The following CLIC5 variants were observed in gnomAD, a reference collection of about 807,000 sequenced individuals.
CLIC5 encodes chloride intracellular channel protein 5.
In CLIC5, 20 loss-of-function variants were observed where a neutral mutation model predicts 24.7. The ratio of observed to expected loss-of-function variants is 0.81; its 90% CI spans 0.57 to 1.18. CLIC5 has a LOEUF of 1.18. CLIC5 is among the 50% of genes most tolerant of loss of function. The pLI is 0.00. For missense variants in CLIC5, 341 were observed against 326.1 expected (o/e 1.05, Z -0.35); for synonymous variants, 159 against 135.6 (o/e 1.17, Z -1.20).
At chr6:45,915,211 A>C (rs1762981576) in intron 4 of CLIC5, among the ~76,000 whole-genome samples, 1 of 152,050 alleles carries the variant, frequency 6.6e-6, no homozygotes, top group African/African-American at 2.4e-5. Flanking sequence ...TACAGGTGAG[A>C]GCCACCATGC....
rs115528681 is a variant in CLIC5, at chr6:45,905,580, T to G, written c.589-2325A>C. ...GCCCACTTTTTAATGGTATTATTTG[T>G]TTTTTTCTTATTCAATTGTTTAAGT... is the stretch of plus-strand genomic sequence containing the variant. On this transcript the variant is annotated intron_variant, in intron 5 of 5. Coordinates refer to ENST00000339561, the MANE Select transcript of CLIC5 (RefSeq NM_016929.5). 3.0e-3 allele frequency among the ~76,000 whole-genome samples: 456 copies of G among 151,786 alleles called. 2 individuals carry two copies. Among genetic ancestry groups the G allele is most frequent in the African/African-American group, 9.2e-3 (381 of 41,200 alleles).
the CLIC5 span, among the ~76,000 whole-genome samples, chr6:46,122,180 G>A: frequency 6.6e-6 from 1 of 152,168 alleles, no homozygotes; most frequent in Admixed American, 6.5e-5. Context: ...ATAGTTGGAA[G>A]GAAAGCACTC....
At chr6:46,081,722 T>G (rs1167777604), upstream of CLIC5, among the ~76,000 whole-genome samples, 1 of 152,192 alleles carries the variant, frequency 6.6e-6, no homozygotes, top group East Asian at 1.9e-4. Flanking sequence ...TTCAAACATT[T>G]TATTTTACAT....
At chr6:46,012,344 C>T (rs1020903525) in intron 1 of CLIC5, among the ~76,000 whole-genome samples, 1 of 152,204 alleles carries the variant, frequency 6.6e-6, no homozygotes, top group African/African-American at 2.4e-5. Context: ...AATCCCTGCG[C>T]CATCCACAGG....
At chr6:46,089,269 T>C in the CLIC5 span, among the ~76,000 whole-genome samples, 7 of 152,042 alleles carry the variant, frequency 4.6e-5, no homozygotes, top group East Asian at 1.2e-3. Flanking sequence ...CAACATGGAG[T>C]AAGAAAAACT....
At chr6:45,969,798 T>G (rs1476542917) in intron 1 of CLIC5, among the ~76,000 whole-genome samples, 3 of 137,706 alleles carry the variant, frequency 2.2e-5, no homozygotes, top group Admixed American at 7.1e-5. Context: ...ACATCAAGGT[T>G]TTTTTTTTTT....
chr6:45,979,771 G>A lies in CLIC5; in HGVS notation c.64-24527C>T, dbSNP rs536619571. 1.1e-4 allele frequency among the ~76,000 whole-genome samples: 16 copies of A among 151,034 alleles called. No homozygotes were observed. The South Asian group carries it at 3.4e-3, about 32-fold the overall frequency. On this transcript the variant is annotated intron_variant, in intron 1 of 5. Transcript: ENST00000339561. The stretch of plus-strand genomic sequence containing the variant: ...ACTTATAAACCATTACATGAGAAAT[G>A]GCCTTTTAGACCTTTGTGAGATGCA...
At chr6:45,896,998 C>A (rs2127286897), downstream of CLIC5, among the ~76,000 whole-genome samples, 1 of 152,276 alleles carries the variant, frequency 6.6e-6, no homozygotes, top group South Asian at 2.1e-4. Flanking sequence ...CACCATCAAA[C>A]AATCTGGGAT....
At chr6:46,088,006 T>A in the CLIC5 span, among the ~76,000 whole-genome samples, 1 of 152,194 alleles carries the variant, frequency 6.6e-6, no homozygotes, top group East Asian at 1.9e-4. Context: ...TTCTTTTTAA[T>A]TATGTTTCTC....
intron 1 of CLIC5, among the ~76,000 whole-genome samples, chr6:46,051,145 C>T (rs987107579): frequency 2.6e-5 from 4 of 152,202 alleles, no homozygotes; most frequent in African/African-American, 9.7e-5. Flanking sequence ...CTAGTGTTTA[C>T]TGTCACTCTT....
intron 1 of CLIC5, among the ~76,000 whole-genome samples, chr6:45,979,383 T>C (rs1201977488): frequency 2.0e-5 from 3 of 152,144 alleles, no homozygotes; most frequent in Non-Finnish European, 2.9e-5. Context: ...TTGTTCAATA[T>C]CTTAAAGACT....
chr6:46,076,483 G>C (rs939572402), intron 1 of CLIC5, among the ~76,000 whole-genome samples: 1 of 152,188 alleles, frequency 6.6e-6, no homozygotes, highest in Non-Finnish European at 1.5e-5. Flanking sequence ...GAAGGCAATG[G>C]GATGATGGAA....
chr6:46,107,395 G>A, the CLIC5 span, among the ~76,000 whole-genome samples: 1 of 152,188 alleles, frequency 6.6e-6, no homozygotes, highest in African/African-American at 2.4e-5. Flanking sequence ...TTGCTAGGAG[G>A]AGTTGGATCC....
chr6:45,942,308 C>T (rs1207836163), intron 3 of CLIC5, among the ~76,000 whole-genome samples: 1 of 151,908 alleles, frequency 6.6e-6, no homozygotes, highest in Non-Finnish European at 1.5e-5. Flanking sequence ...CAGCCCCCCT[C>T]TCTCTCTCTT....
At chr6:46,109,513 T>TAAA in the CLIC5 span, among the ~76,000 whole-genome samples, 58 of 47,180 alleles carry the variant, frequency 1.2e-3, 9 homozygotes, top group African/African-American at 5.3e-3. Context: ...CAGTCTCCAC[T>TAAA]AAAAAAAAAA....
chr6:45,948,901 A>G (rs1764374955), intron 3 of CLIC5, among the ~76,000 whole-genome samples: 1 of 152,098 alleles, frequency 6.6e-6, no homozygotes, highest in Non-Finnish European at 1.5e-5. Flanking sequence ...TGGTTCTGAA[A>G]TGAAGGAAAC....
chr6:45,976,606 GCCCA>G (rs1765392512), intron 1 of CLIC5, among the ~76,000 whole-genome samples: 1 of 152,180 alleles, frequency 6.6e-6, no homozygotes, highest in African/African-American at 2.4e-5. Context: ...TTCATACAAT[GCCCA>G]TGCACAGACA....
intron 4 of CLIC5, among the ~76,000 whole-genome samples, chr6:45,918,693 C>G (rs35448663): frequency 0.092 from 13,981 of 152,288 alleles, 960 homozygotes; most frequent in African/African-American, 0.19. Flanking sequence ...TTCAACTCTC[C>G]ATGGAGAAGG....
In CLIC5 at chr6:45,932,259, C is replaced by A. The variant is rs142586300; in HGVS notation, c.406+9288G>T. Among the ~76,000 whole-genome samples the A allele has an allele frequency of 8.5e-3, 1,300 of 152,284 alleles. 20 individuals carry two copies. Among genetic ancestry groups the A allele is most frequent in the Admixed American group, 0.032 (487 of 15,294 alleles). On this transcript the variant is annotated intron_variant, in intron 4 of 5. Coordinates refer to ENST00000339561, the MANE Select transcript of CLIC5 (RefSeq NM_016929.5). Reference sequence around the variant, plus strand: ...CAAGTAGATGGGATATAGGCACATGCCCCCACGACCAGCTAATTTTTGTAT... The same window carrying A: ...CAAGTAGATGGGATATAGGCACATGACCCCACGACCAGCTAATTTTTGTAT...
Sources: gnomAD v4.1 joint callset for allele counts (sites outside exome capture counted in the v4.1 genomes callset) on GRCh38, gnomAD v4.1.1 for gene constraint, MANE v1.5 for transcripts, NCBI Gene and HGNC (gene_info 2026-07-23, HGNC 2026-07-21) for gene names.